SLC39A11: variants seen among roughly 807,000 people sequenced by gnomAD.
SLC39A11 encodes the protein zinc transporter ZIP11.
SLC39A11 carries 33 observed loss-of-function variants against 36.1 expected under a neutral mutation model. The observed-to-expected ratio is 0.91, with a 90% CI of 0.69 to 1.22. The LOEUF is 1.22. Ranked by LOEUF, SLC39A11 falls within the 50% of genes most tolerant of loss-of-function variation. The pLI, the probability that SLC39A11 is intolerant of heterozygous loss-of-function variation, is 0.00. For synonymous variants in SLC39A11, 166 were observed against 170.3 expected, an observed-to-expected ratio of 0.97 and a Z score of 0.20; for missense variants, 432 against 430.3, an observed-to-expected ratio of 1.00 and a Z score of -0.03.
At chr17:72,648,572 T>A (rs1424995389) in intron 9 of SLC39A11, among the ~76,000 whole-genome samples, 4 of 151,758 alleles carry the variant, frequency 2.6e-5, no homozygotes. Flanking sequence ...GGGGGGCAGG[T>A]GTGTATGCCA....
chr17:73,026,092 T>C (rs2058526698), intron 4 of SLC39A11, among the ~76,000 whole-genome samples: 1 of 150,106 alleles, frequency 6.7e-6, no homozygotes, highest in Non-Finnish European at 1.5e-5. Context: ...CACTCCAGCC[T>C]GGGCCACAGA....
intron 6 of SLC39A11, among the ~76,000 whole-genome samples, chr17:72,822,388 C>T (rs1357862301): frequency 1.3e-5 from 2 of 149,430 alleles, no homozygotes; most frequent in African/African-American, 4.9e-5. Flanking sequence ...TATCTAAATG[C>T]AATCTGTTAA....
intron 5 of SLC39A11, among the ~76,000 whole-genome samples, chr17:72,891,344 C>T (rs6501574): frequency 0.077 from 11,682 of 152,182 alleles, 1,522 homozygotes; most frequent in African/African-American, 0.26. Context: ...TCGCTTGAAC[C>T]CGGGAGGTGA....
chr17:72,756,950 C>T (rs1347875883), intron 6 of SLC39A11, among the ~76,000 whole-genome samples: 1 of 150,600 alleles, frequency 6.6e-6, no homozygotes, highest in Non-Finnish European at 1.5e-5. Flanking sequence ...GAGTTTGAGA[C>T]CAGCTTGGCC....
intron 7 of SLC39A11, among the ~76,000 whole-genome samples, chr17:72,693,297 G>T (rs1311084790): frequency 1.0e-5 from 1 of 98,274 alleles, no homozygotes; most frequent in Admixed American, 1.4e-4. Flanking sequence ...CTACAAAGCT[G>T]CAGGGAACAC....
intron 4 of SLC39A11, among the ~76,000 whole-genome samples, chr17:72,975,645 G>A (rs2087789746): frequency 6.6e-6 from 1 of 152,124 alleles, no homozygotes; most frequent in African/African-American, 2.4e-5. Flanking sequence ...TTGTCTATAA[G>A]CTACCCACTT....
At chr17:72,980,288 G>A (rs1412932804) in intron 4 of SLC39A11, among the ~76,000 whole-genome samples, 1 of 152,098 alleles carries the variant, frequency 6.6e-6, no homozygotes, top group Non-Finnish European at 1.5e-5. Flanking sequence ...TGAAATAGGA[G>A]ACCCCGTCTG....
chr17:72,903,851 C>G (rs2082518162), intron 5 of SLC39A11, among the ~76,000 whole-genome samples: 1 of 152,160 alleles, frequency 6.6e-6, no homozygotes, highest in African/African-American at 2.4e-5. Flanking sequence ...CTCAACTGCC[C>G]TTGCCCTAAA....
At chr17:72,693,724 G>T (rs1413865523) in intron 7 of SLC39A11, among the ~76,000 whole-genome samples, 1 of 152,080 alleles carries the variant, frequency 6.6e-6, no homozygotes, top group Admixed American at 6.6e-5. Flanking sequence ...GTACAATGGC[G>T]CAATCTCGGC....
chr17:73,071,298 A>G (rs2060154431), intron 3 of SLC39A11, among the ~76,000 whole-genome samples: 1 of 152,238 alleles, frequency 6.6e-6, no homozygotes, highest in African/African-American at 2.4e-5. Context: ...TGGCTTGGCC[A>G]TCTGTCTTGA....
At chr17:72,846,293 G>C (rs929960792) in intron 6 of SLC39A11, among the ~76,000 whole-genome samples, 1 of 152,120 alleles carries the variant, frequency 6.6e-6, no homozygotes, top group Non-Finnish European at 1.5e-5. Flanking sequence ...GCTTCCCAAA[G>C]TGCTGGGATT....
intron 6 of SLC39A11, among the ~76,000 whole-genome samples, chr17:72,848,333 C>T (rs2079143453): frequency 1.3e-5 from 2 of 152,172 alleles, no homozygotes; most frequent in Non-Finnish European, 2.9e-5. Flanking sequence ...ATTTCCTATG[C>T]TTAATCATGT....
intron 5 of SLC39A11, among the ~76,000 whole-genome samples, chr17:72,906,297 G>C (rs963550019): frequency 6.6e-6 from 1 of 152,262 alleles, no homozygotes; most frequent in African/African-American, 2.4e-5. Flanking sequence ...CCAGAGGTCT[G>C]AGCCACAAAT....
chr17:72,979,239 G>A (rs1375442261), intron 4 of SLC39A11, among the ~76,000 whole-genome samples: 2 of 151,992 alleles, frequency 1.3e-5, no homozygotes, highest in Non-Finnish European at 2.9e-5. Context: ...TTCACCTTCC[G>A]CCATTATTGT....
At chr17:72,975,573 A>T (rs560100196) in intron 4 of SLC39A11, among the ~76,000 whole-genome samples, 83 of 152,300 alleles carry the variant, frequency 5.4e-4, no homozygotes, top group Middle Eastern at 3.4e-3. Flanking sequence ...CACAGACACA[A>T]ATCTGCTGCT....
intron 6 of SLC39A11, among the ~76,000 whole-genome samples, chr17:72,795,169 A>C (rs1444143515): frequency 6.6e-6 from 1 of 152,094 alleles, no homozygotes; most frequent in East Asian, 1.9e-4. Flanking sequence ...GTATGGTCTC[A>C]GTCTCTGAGA....
In SLC39A11 at chr17:73,044,588, T is replaced by C. The variant is rs2059211340; in HGVS notation, c.148-12874A>G. ...TCAGGGATGTTAGAAATGTTCTCTA[T>C]CTCAGCTGGACATGGTGGCTCATGC... On this transcript the variant is annotated intron_variant, in intron 3 of 9. Transcript: ENST00000255559. 2.0e-5 allele frequency among the ~76,000 whole-genome samples: 3 copies of C among 152,248 alleles called. 1 individual carries two copies. The South Asian group carries it at 6.2e-4, about 32-fold the overall frequency.
Position 73,054,759 on chromosome 17 carries a change from G to A in SLC39A11, c.148-23045C>T, listed in dbSNP as rs867580183. Among the ~76,000 whole-genome samples, 17 of 145,720 alleles carry A rather than the reference G, an allele frequency of 1.2e-4. No individual in the cohort carries two copies. In the Middle Eastern group the frequency reaches 0.011, roughly 97 times the overall value. On this transcript the variant is annotated intron_variant, in intron 3 of 9. Coordinates refer to ENST00000255559, the MANE Select transcript of SLC39A11 (RefSeq NM_139177.4). ...AGAGGCACAGGTTGCAGTGAGCCAA[G>A]ATCGTGCCATTGCACTCCAGCCTGG...
intron 6 of SLC39A11, among the ~76,000 whole-genome samples, chr17:72,748,969 C>T (rs931684499): frequency 1.3e-5 from 2 of 152,134 alleles, no homozygotes; most frequent in South Asian, 2.1e-4. Flanking sequence ...CTCTTTCTGC[C>T]GAGCTGAGCA....
Sources: allele counts gnomAD v4.1 joint callset (sites outside exome capture counted in the v4.1 genomes callset), GRCh38; gene constraint gnomAD v4.1.1; transcripts MANE v1.5; gene names NCBI Gene and HGNC (gene_info 2026-07-23, HGNC 2026-07-21).